The following HDLBP variants were observed in gnomAD, a reference collection of about 807,000 sequenced individuals.
HDLBP encodes the protein high density lipoprotein binding protein.
Under a neutral mutation model 137.3 loss-of-function variants are expected in HDLBP, and 30 were observed. The observed-to-expected ratio is 0.22, with a 90% CI of 0.16 to 0.30. The LOEUF (loss-of-function observed/expected upper bound fraction) is 0.30, where lower values mean the gene tolerates loss of function less well. HDLBP is among the 10% of genes least tolerant of loss of function. HDLBP has a pLI of 1.00. For synonymous variants in HDLBP, 606 were observed against 596.0 expected (o/e 1.02, Z -0.24); for missense variants, 1,119 against 1,667.3 (o/e 0.67, Z 5.73).
chr2:241,264,379 A>T lies in HDLBP; in HGVS notation c.234+69T>A, dbSNP rs559033692. ...TCTGTCTCAAAAAAAAAAAAAAGAAAAAAAATTTAAAAATTTACATAGACA... is the reference window on the plus strand; with the variant it reads ...TCTGTCTCAAAAAAAAAAAAAAGAATAAAAATTTAAAAATTTACATAGACA... On this transcript the variant is annotated intron_variant, in intron 4 of 27. Coordinates refer to ENST00000310931, the MANE Select transcript of HDLBP (RefSeq NM_005336.6). 1.5e-5 allele frequency: 19 copies of T among 1,283,342 alleles called. No individual in the cohort carries two copies. In the African/African-American group the frequency reaches 2.4e-4, roughly 16 times the overall value. 79.5% of individuals were successfully genotyped at this position (1,283,342 alleles called of 1,614,324 possible). A position where few individuals can be genotyped will look rare whatever the true frequency, so the allele number is the denominator to read the frequency against.
At chr2:241,264,628 A>G in intron 3 of HDLBP, 23 bp from the exon 4 acceptor site, 1 of 1,608,944 alleles carries the variant, frequency 6.2e-7, no homozygotes, top group South Asian at 1.1e-5. Context: ...ACACAGATTA[A>G]AAGGAAGCAC....
At chr2:241,313,958 T>G (rs1413662777) in intron 1 of HDLBP, among the ~76,000 whole-genome samples, 1 of 152,178 alleles carries the variant, frequency 6.6e-6, no homozygotes, top group Non-Finnish European at 1.5e-5. Context: ...CAACAGTGCT[T>G]GGCACCAAGC....
chr2:241,304,705 A>G (rs1022958287), intron 1 of HDLBP, among the ~76,000 whole-genome samples: 1 of 152,240 alleles, frequency 6.6e-6, no homozygotes, highest in Non-Finnish European at 1.5e-5. Flanking sequence ...CCGAATACCT[A>G]TCTTGCTGCA....
chr2:241,308,481 A>C, intron 1 of HDLBP, among the ~76,000 whole-genome samples: 1 of 152,248 alleles, frequency 6.6e-6, no homozygotes, highest in South Asian at 2.1e-4. Context: ...TAGACAACGT[A>C]AGCTGATGAC....
intron 23 of HDLBP, 122 bp from the exon 24 acceptor site, chr2:241,234,085 G>C: frequency 9.0e-7 from 1 of 1,115,070 alleles, no homozygotes; most frequent in Non-Finnish European, 1.3e-6. Flanking sequence ...CCCGTGGTCC[G>C]GAATGGTCCG....
chr2:241,299,457 T>C (rs1379518307), intron 1 of HDLBP, among the ~76,000 whole-genome samples: 3 of 136,554 alleles, frequency 2.2e-5, no homozygotes, highest in Middle Eastern at 4.5e-3. Flanking sequence ...GAGGCAGAGG[T>C]TGCAGTGAGC....
chr2:241,304,079 T>C (rs2075487178), intron 1 of HDLBP, among the ~76,000 whole-genome samples: 1 of 152,194 alleles, frequency 6.6e-6, no homozygotes, highest in African/African-American at 2.4e-5. Flanking sequence ...CCCAGAATGC[T>C]GGGATTACAA....
intron 1 of HDLBP, among the ~76,000 whole-genome samples, chr2:241,286,429 G>A (rs2074811836): frequency 6.6e-6 from 1 of 152,202 alleles, no homozygotes; most frequent in South Asian, 2.1e-4. Context: ...CCTTTGGAGA[G>A]GCTCATCAGA....
intron 16 of HDLBP, 82 bp downstream of exon 16, chr2:241,246,670 G>C (rs2071706887): frequency 7.2e-7 from 1 of 1,396,744 alleles, no homozygotes; most frequent in Non-Finnish European, 9.9e-7. Context: ...CAATGACCCT[G>C]CGTGACTCAA....
chr2:241,297,750 G>T (rs2075234840), intron 1 of HDLBP, among the ~76,000 whole-genome samples: 1 of 152,020 alleles, frequency 6.6e-6, no homozygotes, highest in East Asian at 1.9e-4. Flanking sequence ...GAAGAGAAGA[G>T]AAAGAGACAG....
intron 17 of HDLBP, 52 bp downstream of exon 17, chr2:241,242,406 CTG>C: frequency 6.7e-7 from 1 of 1,482,228 alleles, no homozygotes; most frequent in Non-Finnish European, 9.4e-7. Flanking sequence ...AGCGAGAACA[CTG>C]TACTGAGGAC....
chr2:241,235,913 C>T (rs559249767), intron 21 of HDLBP, among the ~76,000 whole-genome samples: 14 of 152,160 alleles, frequency 9.2e-5, no homozygotes, highest in Middle Eastern at 3.4e-3. Flanking sequence ...CGGCTTTGAC[C>T]GATGCCCATG....
At chr2:241,264,105 T>C (rs2073440553) in intron 4 of HDLBP, among the ~76,000 whole-genome samples, 1 of 138,642 alleles carries the variant, frequency 7.2e-6, no homozygotes. Flanking sequence ...GGCTCATGCC[T>C]ATAATCCCAG....
In HDLBP at chr2:241,305,524, G is replaced by A. The variant is rs1038586520; in HGVS notation, c.-103+10046C>T. Among the ~76,000 whole-genome samples, 10 of 152,290 alleles carry A rather than the reference G, an allele frequency of 6.6e-5. 1 individual carries two copies. Among genetic ancestry groups the A allele is most frequent in the South Asian group, 4.1e-4 (2 of 4,824 alleles). On this transcript the variant is annotated intron_variant, in intron 1 of 27. Coordinates refer to ENST00000310931, the MANE Select transcript of HDLBP (RefSeq NM_005336.6). ...TACAGCAGGGCTCCTCAACCTCAGC[G>A]CTGCTGACATTTTGAGTCGAATACT...
intron 1 of HDLBP, among the ~76,000 whole-genome samples, chr2:241,284,003 C>T (rs1052021414): frequency 4.7e-5 from 7 of 150,166 alleles, no homozygotes; most frequent in Non-Finnish European, 8.8e-5. Context: ...GTATTTTAAG[C>T]TCACCGTTAA....
intron 20 of HDLBP, among the ~76,000 whole-genome samples, chr2:241,237,310 G>C (rs1240186719): frequency 6.6e-6 from 1 of 152,208 alleles, no homozygotes; most frequent in East Asian, 1.9e-4. Flanking sequence ...GAGAGCCCCA[G>C]AAGTGAAGAG....
rs141039668 is a variant in HDLBP at position 241,312,855 on chromosome 2, G to A, written c.-103+2715C>T. 6.5e-4 allele frequency among the ~76,000 whole-genome samples: 99 copies of A among 152,304 alleles called. 1 individual carries two copies. The highest frequency in any genetic ancestry group is 3.4e-3 in the Middle Eastern group (1 of 294). ...ATCGTAAGATATCCCAGTGGACCCGGCACAATCATCTCAAATTCTGTTCAG... is the reference window on the plus strand; with the variant it reads ...ATCGTAAGATATCCCAGTGGACCCGACACAATCATCTCAAATTCTGTTCAG... On this transcript the variant is annotated intron_variant, in intron 1 of 27. Coordinates refer to ENST00000310931, the MANE Select transcript of HDLBP (RefSeq NM_005336.6).
At chr2:241,261,239 A>G (rs1295333076) in intron 5 of HDLBP, among the ~76,000 whole-genome samples, 3 of 151,306 alleles carry the variant, frequency 2.0e-5, no homozygotes, top group Admixed American at 1.3e-4. Context: ...AAGCACTGTT[A>G]AAGAATGAGA....
chr2:241,280,192 G>A (rs1206523609), intron 1 of HDLBP: 4 of 899,672 alleles, frequency 4.4e-6, no homozygotes, highest in South Asian at 5.1e-5. Context: ...CCATTTGAAA[G>A]CTGAAAATTT....
Sources: allele counts gnomAD v4.1 joint callset (sites outside exome capture counted in the v4.1 genomes callset), GRCh38; gene constraint gnomAD v4.1.1; transcripts MANE v1.5; gene names NCBI Gene and HGNC (gene_info 2026-07-23, HGNC 2026-07-21).